PCDHA2: variants seen among roughly 807,000 people sequenced by gnomAD.
The protein encoded by PCDHA2 is protocadherin alpha-2.
PCDHA2 carries 58 observed loss-of-function variants against 66.0 expected under a neutral mutation model. The observed-to-expected ratio is 0.88, with a 90% CI of 0.71 to 1.09. The LOEUF (loss-of-function observed/expected upper bound fraction) is 1.09. PCDHA2 is among the 50% of genes least tolerant of loss of function. The probability of loss-of-function intolerance (pLI) is 0.00; values close to 1 mark genes in which losing one functional copy is unlikely to be tolerated. For synonymous variants in PCDHA2, 634 were observed against 554.0 expected (o/e 1.14, Z -2.03); for missense variants, 1,267 against 1,242.3 (o/e 1.02, Z -0.30).
At chr5:140,887,357 A>G (rs112910602) in intron 1 of PCDHA2, among the ~76,000 whole-genome samples, 1 of 152,032 alleles carries the variant, frequency 6.6e-6, no homozygotes, top group Non-Finnish European at 1.5e-5. Flanking sequence ...CGGCCTCCCA[A>G]AGTGCTGGGA....
At chr5:140,913,797 A>T (rs546197577) in intron 1 of PCDHA2, among the ~76,000 whole-genome samples, 1 of 152,210 alleles carries the variant, frequency 6.6e-6, no homozygotes, top group Admixed American at 6.5e-5. Context: ...ATTTGTTTGA[A>T]TCAAATTTTC....
Position 140,795,503 on chromosome 5 carries a change from T to G in PCDHA2, c.539T>G (p.Leu180Arg), listed in dbSNP as rs782001303. The G allele has an allele frequency of 2.5e-6, 4 of 1,614,056 alleles. No individual in the cohort carries two copies. In the African/African-American group the frequency reaches 4.0e-5, roughly 16 times the overall value. Residue 180 changes from leucine (L) to arginine (R), a missense_variant, in exon 1 of 4, where the codon CTA becomes CGA. Physicochemically the swap from Leu to Arg is moderately radical, Grantham distance 102 (BLOSUM62 -2). Transcript: ENST00000526136. ...CTCAGCTCCAGTGAGTTTTTCTTCCTAGATATACAGGCAAATGATGAACTA... is the reference window on the plus strand; with the variant it reads ...CTCAGCTCCAGTGAGTTTTTCTTCCGAGATATACAGGCAAATGATGAACTA... ...YKLSSSEFFF[L>R]DIQANDELSE...
In PCDHA2 at chr5:140,960,243, G is replaced by A. The variant is rs531821446; in HGVS notation, c.2389-18706G>A. On this transcript the variant is annotated intron_variant, in intron 1 of 3. Coordinates refer to ENST00000526136, the MANE Select transcript of PCDHA2 (RefSeq NM_018905.3). The stretch of plus-strand genomic sequence containing the variant: ...AGAAACAGAGCCATGGTAAAAAGAA[G>A]CTTCCTGGAGCTTCTGATAAATTCC... 3.9e-5 allele frequency among the ~76,000 whole-genome samples: 6 copies of A among 152,270 alleles called. No individual in the cohort carries two copies. The East Asian group carries it at 1.2e-3, about 29-fold the overall frequency.
rs530453384 is a variant in PCDHA2, at chr5:140,891,358, GA to G, written c.2389-87590del. Among the ~76,000 whole-genome samples the G allele has an allele frequency of 3.0e-3, 462 of 152,158 alleles. 1 individual carries two copies. Among genetic ancestry groups the G allele is most frequent in the Non-Finnish European group, 4.7e-3 (320 of 67,992 alleles). On this transcript the variant is annotated intron_variant, in intron 1 of 3. Transcript: ENST00000526136. ...TGAGATTTTGGTGCATCCATCACCT[GA>G]GCAGTATACATTGCACCATATTTGC...
At position 140,842,211 on chromosome 5, in the gene PCDHA2, G is replaced by A. The variant is rs141101675; in HGVS notation, c.2388+44859G>A. The A allele has an allele frequency of 5.8e-5, 93 of 1,613,388 alleles. 2 individuals carry two copies. Among genetic ancestry groups the A allele is most frequent in the Non-Finnish European group, 5.4e-5 (64 of 1,179,636 alleles). ...GTTATTGACCACTTTAGCATAGATCGAAATACGGGAGAAATAGTGATTCGG... is the reference window on the plus strand; with the variant it reads ...GTTATTGACCACTTTAGCATAGATCAAAATACGGGAGAAATAGTGATTCGG... On this transcript the variant is annotated intron_variant, in intron 1 of 3. Transcript: ENST00000526136.
intron 1 of PCDHA2, chr5:140,969,351 G>T: frequency 6.2e-7 from 1 of 1,612,990 alleles, no homozygotes; most frequent in Non-Finnish European, 8.5e-7. Flanking sequence ...TGGTCAGGGG[G>T]TCTTCTACAA....
At chr5:141,009,312 A>G (rs1355833857) in intron 3 of PCDHA2, among the ~76,000 whole-genome samples, 1 of 152,160 alleles carries the variant, frequency 6.6e-6, no homozygotes, top group Non-Finnish European at 1.5e-5. Context: ...TTAAAAAGCT[A>G]GCCTGGCATG....
intron 1 of PCDHA2, chr5:140,827,965 TGC>T: frequency 7.5e-7 from 1 of 1,335,940 alleles, no homozygotes; most frequent in South Asian, 1.4e-5. Context: ...CTTCTATTAC[TGC>T]ATCATTCCCT....
chr5:140,987,481 G>T (rs1244029095), intron 3 of PCDHA2, among the ~76,000 whole-genome samples: 1 of 152,170 alleles, frequency 6.6e-6, no homozygotes, highest in Non-Finnish European at 1.5e-5. Flanking sequence ...TTGGGAGTCA[G>T]TGACCCTTTC....
At chr5:140,987,982 C>T (rs781838400) in intron 3 of PCDHA2, among the ~76,000 whole-genome samples, 16 of 152,206 alleles carry the variant, frequency 1.1e-4, no homozygotes, top group Non-Finnish European at 1.5e-4. Flanking sequence ...TCCATGGAGA[C>T]TCCATCTCTG....
intron 1 of PCDHA2, chr5:140,805,064 G>A (rs1554123216): frequency 6.3e-7 from 1 of 1,592,792 alleles, no homozygotes; most frequent in Admixed American, 1.7e-5. Flanking sequence ...TCCCAGATAT[G>A]GAACTTCAAT....
chr5:140,991,066 C>T (rs2097429810), intron 3 of PCDHA2, among the ~76,000 whole-genome samples: 2 of 152,122 alleles, frequency 1.3e-5, no homozygotes, highest in Non-Finnish European at 2.9e-5. Context: ...TTATTATTCC[C>T]ATGTTTCAGA....
chr5:140,865,916 T>C (rs1446855400), intron 1 of PCDHA2: 1 of 152,190 alleles, frequency 6.6e-6, no homozygotes, highest in Non-Finnish European at 1.5e-5. Context: ...TTTCTTTCTG[T>C]TGTGCTTAGA....
At chr5:140,922,916 C>T (rs2081069739) in intron 1 of PCDHA2, among the ~76,000 whole-genome samples, 1 of 152,146 alleles carries the variant, frequency 6.6e-6, no homozygotes, top group South Asian at 2.1e-4. Context: ...TACAAATAAA[C>T]TTCAGACTTT....
chr5:140,900,496 C>G (rs1476220010), intron 1 of PCDHA2, among the ~76,000 whole-genome samples: 2 of 152,212 alleles, frequency 1.3e-5, no homozygotes, highest in Admixed American at 6.5e-5. Flanking sequence ...AGACTGGTCT[C>G]AAATTCCCAG....
At position 140,884,619 on chromosome 5, in the gene PCDHA2, A is replaced by C; in HGVS notation, c.2388+87267A>C. ...CTTCCTCCTTGTCTGGGTTCTGCAGAGGGAACAGGCCAGAGGGAGGAGGAC... is the reference window on the plus strand; with the variant it reads ...CTTCCTCCTTGTCTGGGTTCTGCAGCGGGAACAGGCCAGAGGGAGGAGGAC... On this transcript the variant is annotated intron_variant, in intron 1 of 3. Coordinates refer to ENST00000526136, the MANE Select transcript of PCDHA2 (RefSeq NM_018905.3). 3.7e-6 allele frequency: 6 copies of C among 1,614,074 alleles called. No homozygotes were observed. The highest frequency in any genetic ancestry group is 5.1e-6 in the Non-Finnish European group (6 of 1,179,956).
chr5:140,888,994 T>A (rs1486471421), intron 1 of PCDHA2, among the ~76,000 whole-genome samples: 5 of 152,154 alleles, frequency 3.3e-5, no homozygotes, highest in African/African-American at 1.2e-4. Flanking sequence ...TATGATTTTC[T>A]TATGGCAAAC....
intron 3 of PCDHA2, among the ~76,000 whole-genome samples, chr5:140,982,794 CAT>C (rs1491349118): frequency 4.0e-5 from 6 of 150,946 alleles, no homozygotes; most frequent in Admixed American, 1.3e-4. Context: ...CGCATGTGTG[CAT>C]GTGTGTGTGT....
intron 1 of PCDHA2, chr5:140,876,290 T>C: frequency 6.2e-7 from 1 of 1,614,074 alleles, no homozygotes; most frequent in Non-Finnish European, 8.5e-7. Flanking sequence ...GACGAAGGAC[T>C]TAATGGAGAA....
Sources: allele counts gnomAD v4.1 joint callset (sites outside exome capture counted in the v4.1 genomes callset), GRCh38; gene constraint gnomAD v4.1.1; transcripts MANE v1.5; gene names NCBI Gene and HGNC (gene_info 2026-07-23, HGNC 2026-07-21).